Variants in HACL1 observed in about 807,000 individuals in gnomAD.
HACL1 encodes 1600020H07Rik.
Under a neutral mutation model 74.2 loss-of-function variants are expected in HACL1, and 64 were observed. The observed-to-expected ratio is 0.86, with a 90% CI of 0.70 to 1.06. The LOEUF (loss-of-function observed/expected upper bound fraction) is 1.06, where lower values mean the gene tolerates loss of function less well. Ranked by LOEUF, HACL1 falls within the 50% of genes least tolerant of loss-of-function variation. HACL1 has a pLI of 0.00. For missense variants in HACL1, 728 were observed against 719.7 expected (o/e 1.01, Z -0.13); for synonymous variants, 230 against 238.8 (o/e 0.96, Z 0.34).
chr3:15,599,935 T>A (rs2064155119), intron 2 of HACL1, among the ~76,000 whole-genome samples: 1 of 152,196 alleles, frequency 6.6e-6, no homozygotes, highest in Non-Finnish European at 1.5e-5. Flanking sequence ...CATTCATAGG[T>A]CAATAGCTTC....
chr3:15,568,628 C>T (rs2063474865), intron 12 of HACL1, 42 bp from the exon 13 acceptor site: 2 of 1,111,372 alleles, frequency 1.8e-6, no homozygotes, highest in Admixed American at 4.4e-5. Context: ...AATTGGGATA[C>T]AATGAAAATA....
intron 7 of HACL1, among the ~76,000 whole-genome samples, chr3:15,583,909 G>A (rs1159373526): frequency 5.3e-5 from 8 of 151,830 alleles, no homozygotes; most frequent in African/African-American, 1.2e-4. Flanking sequence ...CACCCACCTC[G>A]GCCTCCCAAA....
chr3:15,592,089 C>CGT lies in HACL1; in HGVS notation c.228-410_228-409insAC, dbSNP rs1164074096. Among the ~76,000 whole-genome samples, 194 of 132,724 alleles carry CGT rather than the reference C, an allele frequency of 1.5e-3. 2 individuals are homozygous for CGT. The highest frequency in any genetic ancestry group is 5.6e-3 in the African/African-American group (179 of 31,990). 87.1% of individuals were successfully genotyped at this position (132,724 alleles called of 152,430 possible). On this transcript the variant is annotated intron_variant, in intron 3 of 16. Transcript: ENST00000321169. ...ACGTATATACGTATACGTATATATA[C>CGT]ACACACTATATACGTATATATACAC...
At chr3:15,576,507 C>A (rs2063629524) in intron 9 of HACL1, among the ~76,000 whole-genome samples, 1 of 152,044 alleles carries the variant, frequency 6.6e-6, no homozygotes, top group Non-Finnish European at 1.5e-5. Context: ...CGTAAACAAC[C>A]ACCCTTGCTT....
chr3:15,583,387 A>C (rs907529916), intron 7 of HACL1, among the ~76,000 whole-genome samples: 1 of 152,230 alleles, frequency 6.6e-6, no homozygotes, highest in Non-Finnish European at 1.5e-5. Flanking sequence ...TTTGTACTGT[A>C]GTAGCAGCAG....
At chr3:15,594,970 T>C (rs548846794) in intron 3 of HACL1, among the ~76,000 whole-genome samples, 2 of 152,162 alleles carry the variant, frequency 1.3e-5, no homozygotes, top group Non-Finnish European at 2.9e-5. Context: ...TCTACTAAAA[T>C]ACAAAAATTA....
intron 2 of HACL1, among the ~76,000 whole-genome samples, chr3:15,598,251 C>T (rs1434325745): frequency 1.3e-5 from 2 of 152,090 alleles, no homozygotes; most frequent in African/African-American, 4.8e-5. Flanking sequence ...AAACTCCTGA[C>T]CTCAGGTGAT....
intron 2 of HACL1, among the ~76,000 whole-genome samples, chr3:15,598,402 T>TA (rs1286417371): frequency 1.1e-4 from 17 of 152,320 alleles, no homozygotes; most frequent in African/African-American, 3.8e-4. Flanking sequence ...ACATGGTACT[T>TA]AGAGAGTGGA....
chr3:15,578,055 G>T (rs185952978), intron 9 of HACL1, among the ~76,000 whole-genome samples: 1 of 132,124 alleles, frequency 7.6e-6, no homozygotes, highest in African/African-American at 2.9e-5. Flanking sequence ...CCAAGATCGC[G>T]CCACTGCACT....
At chr3:15,597,851 C>A (rs2064097150) in intron 2 of HACL1, among the ~76,000 whole-genome samples, 1 of 151,992 alleles carries the variant, frequency 6.6e-6, no homozygotes, top group African/African-American at 2.4e-5. Flanking sequence ...GCAATAAGAA[C>A]ACTTTATTTA....
At position 15,601,543 on chromosome 3, in the gene HACL1, G is replaced by A. The variant is rs1445869278; in HGVS notation, c.-80C>T. On this transcript the variant is annotated 5_prime_UTR_variant, in exon 1 of 17. Transcript: ENST00000321169. ...CAGCAAGGCAAACGCGAAATCGGCA[G>A]CACGCCACCTCTGGTACTGCACCTC... is the stretch of plus-strand genomic sequence containing the variant. 2.5e-6 allele frequency: 4 copies of A among 1,605,252 alleles called. No homozygotes were observed. Among genetic ancestry groups the A allele is most frequent in the South Asian group, 1.1e-5 (1 of 90,970 alleles).
chr3:15,563,958 T>A (rs2063389160), intron 15 of HACL1, among the ~76,000 whole-genome samples: 2 of 151,648 alleles, frequency 1.3e-5, no homozygotes, highest in Non-Finnish European at 2.9e-5. Flanking sequence ...CTATTATGAA[T>A]CCAGAAGAAA....
chr3:15,568,138 A>G, intron 13 of HACL1, 136 bp from the exon 14 acceptor site: 2 of 813,482 alleles, frequency 2.5e-6, no homozygotes, highest in Non-Finnish European at 3.8e-6. Flanking sequence ...TCTTCAATAT[A>G]AAATCTTTAG....
At chr3:15,596,957 C>T (rs535572714) in intron 2 of HACL1, among the ~76,000 whole-genome samples, 2 of 152,148 alleles carry the variant, frequency 1.3e-5, no homozygotes, top group East Asian at 3.9e-4. Context: ...ATTTTCTTTA[C>T]TAATAATTTG....
At chr3:15,580,666 A>G (rs2063703346) in intron 8 of HACL1, among the ~76,000 whole-genome samples, 1 of 152,086 alleles carries the variant, frequency 6.6e-6, no homozygotes, top group Non-Finnish European at 1.5e-5. Context: ...CCCTGAACAC[A>G]CTATCTTCAT....
intron 14 of HACL1, among the ~76,000 whole-genome samples, chr3:15,566,287 C>A (rs937332459): frequency 4.6e-5 from 7 of 152,196 alleles, no homozygotes; most frequent in Non-Finnish European, 8.8e-5. Context: ...ATCTACAATT[C>A]ATGAGTTTCT....
chr3:15,573,094 A>G, intron 11 of HACL1, 65 bp downstream of exon 11: 2 of 888,236 alleles, frequency 2.3e-6, no homozygotes, highest in Non-Finnish European at 3.8e-6. Flanking sequence ...TCAAGATTAA[A>G]ACATTTTCAA....
intron 9 of HACL1, among the ~76,000 whole-genome samples, chr3:15,578,963 C>T (rs1262768380): frequency 6.6e-6 from 1 of 152,232 alleles, no homozygotes; most frequent in East Asian, 1.9e-4. Context: ...TGAACCAGTA[C>T]ATGTCTGGGG....
Position 15,573,255 on chromosome 3 carries a change from C to T in HACL1, c.910-13G>A. 6.5e-7 allele frequency: 1 copy of T among 1,535,140 alleles called. No homozygotes were observed. The highest frequency in any genetic ancestry group is 9.0e-7 in the Non-Finnish European group (1 of 1,109,212). On this transcript the variant is annotated splice_polypyrimidine_tract_variant and intron_variant, in intron 10 of 16. Transcript: ENST00000321169. ...CACAGATATCAACCTAAAAAAGAGACAAGGCTAAAGAACAACCCATGTTTA... is the reference window on the plus strand; with the variant it reads ...CACAGATATCAACCTAAAAAAGAGATAAGGCTAAAGAACAACCCATGTTTA...
Sources: allele counts gnomAD v4.1 joint callset (sites outside exome capture counted in the v4.1 genomes callset), GRCh38; gene constraint gnomAD v4.1.1; transcripts MANE v1.5; gene names NCBI Gene and HGNC (gene_info 2026-07-23, HGNC 2026-07-21).